The following STIM1 variants were observed in gnomAD, a reference collection of about 807,000 sequenced individuals.
The protein encoded by STIM1 is stromal interaction molecule 1.
A neutral mutation model predicts 74.7 loss-of-function variants in STIM1; 25 were observed. The observed-to-expected ratio is 0.33, with a 90% CI of 0.24 to 0.47. STIM1 has a LOEUF of 0.47. Among genes scored for constraint, STIM1 ranks in the 20% least tolerant of loss-of-function variants. The pLI is 1.00. For synonymous variants in STIM1, 328 were observed against 348.8 expected (o/e 0.94, Z 0.66); for missense variants, 728 against 920.8 (o/e 0.79, Z 2.71).
intron 3 of STIM1, among the ~76,000 whole-genome samples, chr11:4,024,924 A>G (rs750076075): frequency 6.6e-6 from 1 of 152,202 alleles, no homozygotes; most frequent in African/African-American, 2.4e-5. Context: ...GGCACAGATA[A>G]CAATAAGACT....
chr11:4,048,809 C>T (rs1017511924), intron 3 of STIM1, among the ~76,000 whole-genome samples: 15 of 151,994 alleles, frequency 9.9e-5, no homozygotes, highest in Non-Finnish European at 1.9e-4. Flanking sequence ...TCTCAGCTCG[C>T]TGCAACCTCC....
chr11:4,064,772 C>T (rs2133133435), intron 5 of STIM1, among the ~76,000 whole-genome samples: 1 of 152,290 alleles, frequency 6.6e-6, no homozygotes, highest in Non-Finnish European at 1.5e-5. Flanking sequence ...TAATCCTCCC[C>T]ATGTGACCAC....
chr11:3,941,673 T>TATATATATAGAGAGAGAG (rs141623520), intron 1 of STIM1, among the ~76,000 whole-genome samples: 4 of 90,728 alleles, frequency 4.4e-5, no homozygotes, highest in Non-Finnish European at 9.3e-5. Context: ...TATATATATA[T>TATATATATAGAGAGAGAG]AGAGAGAGAG....
intron 2 of STIM1, among the ~76,000 whole-genome samples, chr11:4,009,631 T>TAATA (rs1175139425): frequency 6.6e-5 from 10 of 151,292 alleles, no homozygotes; most frequent in Non-Finnish European, 1.5e-4. Context: ...ATAATAATAA[T>TAATA]AATAAATAAA....
chr11:4,053,718 C>G (rs1357423877), intron 3 of STIM1, among the ~76,000 whole-genome samples: 1 of 151,328 alleles, frequency 6.6e-6, no homozygotes, highest in Non-Finnish European at 1.5e-5. Flanking sequence ...TACCCTAGAA[C>G]TTAAAGTATA....
At chr11:4,068,965 G>T (rs2094386175) in intron 5 of STIM1, among the ~76,000 whole-genome samples, 1 of 152,146 alleles carries the variant, frequency 6.6e-6, no homozygotes, top group Non-Finnish European at 1.5e-5. Context: ...CTCCTTCTCT[G>T]CTGTTTAAGG....
At chr11:4,042,989 G>T (rs2094160304) in intron 3 of STIM1, among the ~76,000 whole-genome samples, 1 of 152,154 alleles carries the variant, frequency 6.6e-6, no homozygotes, top group African/African-American at 2.4e-5. Flanking sequence ...CCTGGTCTCA[G>T]AATAGAACGA....
intron 1 of STIM1, among the ~76,000 whole-genome samples, chr11:3,938,409 T>G (rs1363574180): frequency 6.6e-6 from 1 of 152,220 alleles, no homozygotes; most frequent in Admixed American, 6.5e-5. Context: ...TCCTGTTGTA[T>G]CCTTTTCCCC....
At chr11:3,865,926 T>TATC (rs1359320929) in intron 1 of STIM1, among the ~76,000 whole-genome samples, 1 of 152,270 alleles carries the variant, frequency 6.6e-6, no homozygotes, top group East Asian at 1.9e-4. Flanking sequence ...CTGTCATGTT[T>TATC]ATCAGAGTGG....
chr11:4,014,486 A>T (rs1260418475), intron 2 of STIM1, among the ~76,000 whole-genome samples: 1 of 152,150 alleles, frequency 6.6e-6, no homozygotes, highest in East Asian at 1.9e-4. Flanking sequence ...GGTCAATTTT[A>T]GAATAAGTGT....
At chr11:4,084,249 C>CTT (rs1214748097) in intron 10 of STIM1, among the ~76,000 whole-genome samples, 4 of 152,138 alleles carry the variant, frequency 2.6e-5, no homozygotes, top group Non-Finnish European at 5.9e-5. Context: ...TAGAATAGCC[C>CTT]TTATGGTAAA....
chr11:3,901,714 A>G (rs1565108207), intron 1 of STIM1, among the ~76,000 whole-genome samples: 2 of 152,360 alleles, frequency 1.3e-5, no homozygotes, highest in East Asian at 1.9e-4. Flanking sequence ...ACTCAGTGGT[A>G]GGAGATTTAG....
chr11:4,084,828 AC>A lies in STIM1; in HGVS notation c.1567+67del, dbSNP rs981736339. 1.2e-5 allele frequency: 15 copies of A among 1,233,290 alleles called. No homozygotes were observed. In the African/African-American group the frequency reaches 2.0e-4, roughly 17 times the overall value. 76.4% of individuals were successfully genotyped at this position (1,233,290 alleles called of 1,614,324 possible). A position where few individuals can be genotyped will look rare whatever the true frequency, so the allele number is the denominator to read the frequency against. ...CTTTCGGGACTAAATCAACACTCTT[AC>A]CCCATGGGTCCCTTCTCCTGCCTGC... On this transcript the variant is annotated intron_variant, in intron 11 of 12. Coordinates refer to ENST00000526596, the MANE Select transcript of STIM1 (RefSeq NM_001382567.1).
chr11:3,902,481 C>A (rs913968382), intron 1 of STIM1, among the ~76,000 whole-genome samples: 2 of 152,188 alleles, frequency 1.3e-5, no homozygotes, highest in Non-Finnish European at 2.9e-5. Flanking sequence ...CACTTCAGAT[C>A]ATCAGGCATT....
chr11:4,059,474 C>T (rs2133105659), intron 5 of STIM1, 78 bp downstream of exon 5: 2 of 1,216,118 alleles, frequency 1.6e-6, no homozygotes, highest in Non-Finnish European at 2.4e-6. Context: ...AAGGCTAAGG[C>T]TCTGGGTCTC....
chr11:4,088,655 C>T (rs746510626), intron 12 of STIM1: 3 of 1,524,236 alleles, frequency 2.0e-6, no homozygotes, highest in Non-Finnish European at 2.6e-6. Flanking sequence ...GTACCTGTAT[C>T]CACCTGGCCT....
At chr11:4,037,828 T>C (rs191509619) in intron 3 of STIM1, among the ~76,000 whole-genome samples, 92 of 152,302 alleles carry the variant, frequency 6.0e-4, no homozygotes, top group Non-Finnish European at 3.4e-4. Context: ...TAATATAAGA[T>C]AATTTAGGTT....
intron 4 of STIM1, chr11:4,058,968 T>G: frequency 1.7e-6 from 2 of 1,168,328 alleles, no homozygotes; most frequent in Non-Finnish European, 2.2e-6. Flanking sequence ...ATGTAGAGGA[T>G]AAACCCTGGA....
At chr11:4,075,894 T>C (rs962603532) in intron 7 of STIM1, among the ~76,000 whole-genome samples, 5 of 152,216 alleles carry the variant, frequency 3.3e-5, no homozygotes, top group African/African-American at 9.7e-5. Flanking sequence ...CTGGTAAATA[T>C]ATAGTAGTAT....
Sources: gnomAD v4.1 joint callset for allele counts (sites outside exome capture counted in the v4.1 genomes callset) on GRCh38, gnomAD v4.1.1 for gene constraint, MANE v1.5 for transcripts, NCBI Gene and HGNC (gene_info 2026-07-23, HGNC 2026-07-21) for gene names.